The following NRXN1 variants were observed in gnomAD, a reference collection of about 807,000 sequenced individuals.
NRXN1 encodes neurexin 1.
In NRXN1, 39 loss-of-function variants were observed where a neutral mutation model predicts 150.9. The ratio of observed to expected loss-of-function variants is 0.26; its 90% CI spans 0.20 to 0.34. The LOEUF is 0.34. Among genes scored for constraint, NRXN1 ranks in the 10% least tolerant of loss-of-function variants. NRXN1 has a pLI of 1.00. For missense variants in NRXN1, 1,815 were observed against 1,949.9 expected (o/e 0.93, Z 1.30); for synonymous variants, 924 against 757.0 (o/e 1.22, Z -3.62).
chr2:50,970,568 A>C (rs1694841046), intron 2 of NRXN1, among the ~76,000 whole-genome samples: 1 of 152,108 alleles, frequency 6.6e-6, no homozygotes, highest in Non-Finnish European at 1.5e-5. Context: ...GAATAACCAA[A>C]CACTCAAAGG....
chr2:50,399,811 A>ATTCTC, intron 17 of NRXN1, among the ~76,000 whole-genome samples: 4 of 24,596 alleles, frequency 1.6e-4, no homozygotes, highest in East Asian at 1.4e-3. Flanking sequence ...AAAAAAAAAA[A>ATTCTC]AAAAAAAAAA....
At chr2:50,957,322 G>C (rs945079937) in intron 2 of NRXN1, among the ~76,000 whole-genome samples, 1 of 152,082 alleles carries the variant, frequency 6.6e-6, no homozygotes. Flanking sequence ...GATATAAAAG[G>C]GGAATCATAA....
chr2:50,149,743 C>T (rs888547412), intron 18 of NRXN1, among the ~76,000 whole-genome samples: 4 of 151,588 alleles, frequency 2.6e-5, no homozygotes, highest in Non-Finnish European at 4.4e-5. Context: ...ATAATAAACA[C>T]CAAAAATGTT....
At chr2:50,192,136 G>A (rs992767517) in intron 18 of NRXN1, among the ~76,000 whole-genome samples, 2 of 152,094 alleles carry the variant, frequency 1.3e-5, no homozygotes, top group Admixed American at 1.3e-4. Flanking sequence ...AATTGTGCCT[G>A]TATCCCAGAA....
chr2:50,007,712 T>A (rs1340348056), intron 21 of NRXN1, among the ~76,000 whole-genome samples: 1 of 152,040 alleles, frequency 6.6e-6, no homozygotes, highest in Non-Finnish European at 1.5e-5. Flanking sequence ...GTGTCTTTTA[T>A]AGTAGAATGA....
intron 5 of NRXN1, among the ~76,000 whole-genome samples, chr2:50,669,991 C>T (rs1167062116): frequency 1.3e-5 from 2 of 151,648 alleles, no homozygotes; most frequent in African/African-American, 4.8e-5. Context: ...ACCAGTAATT[C>T]CAACACATAA....
chr2:50,626,314 A>T (rs1681039453), intron 5 of NRXN1, among the ~76,000 whole-genome samples: 1 of 151,924 alleles, frequency 6.6e-6, no homozygotes, highest in South Asian at 2.1e-4. Flanking sequence ...ATGAGAAAAA[A>T]AAAGAGTCCC....
intron 5 of NRXN1, among the ~76,000 whole-genome samples, chr2:50,660,048 G>A (rs1159639133): frequency 6.6e-6 from 1 of 151,788 alleles, no homozygotes; most frequent in Non-Finnish European, 1.5e-5. Flanking sequence ...GGTGTTCAGG[G>A]GGCACTAAAC....
intron 17 of NRXN1, among the ~76,000 whole-genome samples, chr2:50,297,407 A>G (rs1166353818): frequency 6.6e-6 from 1 of 152,138 alleles, no homozygotes; most frequent in African/African-American, 2.4e-5. Context: ...ACTACCTTTA[A>G]ATATATTTTA....
chr2:50,050,866 T>C (rs986180760), intron 21 of NRXN1, among the ~76,000 whole-genome samples: 2 of 152,028 alleles, frequency 1.3e-5, no homozygotes, highest in African/African-American at 4.8e-5. Flanking sequence ...TAAAACCTAT[T>C]AGCCCAACTT....
At chr2:50,712,406 C>A (rs1695284400) in intron 5 of NRXN1, among the ~76,000 whole-genome samples, 1 of 152,052 alleles carries the variant, frequency 6.6e-6, no homozygotes, top group African/African-American at 2.4e-5. Context: ...AAAATCATTC[C>A]TTTCACCAAG....
chr2:50,084,015 T>C (rs1025732049), intron 19 of NRXN1, among the ~76,000 whole-genome samples: 1 of 152,094 alleles, frequency 6.6e-6, no homozygotes, highest in Non-Finnish European at 1.5e-5. Flanking sequence ...GACATAAAGA[T>C]TCTCCAAGTC....
At chr2:50,745,373 C>T (rs1305487244) in intron 5 of NRXN1, among the ~76,000 whole-genome samples, 1 of 147,128 alleles carries the variant, frequency 6.8e-6, no homozygotes, top group Non-Finnish European at 1.5e-5. Context: ...AGTGCCTCCC[C>T]TCCCCTCCCT....
At chr2:50,547,975 T>C (rs1051561957) in intron 9 of NRXN1, among the ~76,000 whole-genome samples, 1 of 152,174 alleles carries the variant, frequency 6.6e-6, no homozygotes, top group African/African-American at 2.4e-5. Context: ...AATAACCAGT[T>C]ACAATCAGTT....
chr2:50,117,695 CT>C (rs1703249985), intron 18 of NRXN1, among the ~76,000 whole-genome samples: 1 of 150,768 alleles, frequency 6.6e-6, no homozygotes, highest in African/African-American at 2.4e-5. Context: ...GTGTGTATGT[CT>C]TTACACAGCC....
intron 17 of NRXN1, among the ~76,000 whole-genome samples, chr2:50,375,198 G>A (rs895817415): frequency 2.8e-4 from 42 of 152,016 alleles, no homozygotes; most frequent in African/African-American, 1.0e-3. Context: ...AAAGTTGCAT[G>A]CTTTCTCTTG....
At chr2:49,975,643 C>A (rs72887804) in intron 21 of NRXN1, among the ~76,000 whole-genome samples, 2,940 of 152,062 alleles carry the variant, frequency 0.019, 93 homozygotes, top group African/African-American at 0.067. Context: ...TTTATTCAGA[C>A]TATTCAATAA....
At chr2:50,984,634 T>A (rs1227913170) in intron 2 of NRXN1, among the ~76,000 whole-genome samples, 1 of 152,094 alleles carries the variant, frequency 6.6e-6, no homozygotes. Context: ...TTAAAATGTG[T>A]TTTCCTCTTC....
rs533667492 is a variant in NRXN1, at chr2:50,693,267, C to T, written c.833-69652G>A. Among the ~76,000 whole-genome samples, 9 of 152,222 alleles carry T rather than the reference C, an allele frequency of 5.9e-5. 1 individual carries two copies. The highest frequency in any genetic ancestry group is 1.2e-4 in the African/African-American group (5 of 41,530). Reference sequence around the variant, plus strand: ...ATTAACAGAAACAGAGTGCTTAATGCCAATATGCTAAATACTAAATGCTAA... The same window carrying T: ...ATTAACAGAAACAGAGTGCTTAATGTCAATATGCTAAATACTAAATGCTAA... On this transcript the variant is annotated intron_variant, in intron 5 of 22. Transcript: ENST00000401669.
Sources: gnomAD v4.1 joint callset for allele counts (sites outside exome capture counted in the v4.1 genomes callset) on GRCh38, gnomAD v4.1.1 for gene constraint, MANE v1.5 for transcripts, NCBI Gene and HGNC (gene_info 2026-07-23, HGNC 2026-07-21) for gene names.